Variants in TOP1MT observed in about 807,000 individuals in gnomAD.
TOP1MT encodes the protein DNA topoisomerase I, mitochondrial.
A neutral mutation model predicts 73.9 loss-of-function variants in TOP1MT; 80 were observed. The observed-to-expected ratio is 1.08, with a 90% CI of 0.90 to 1.30. The LOEUF is 1.30. TOP1MT is among the 50% of genes most tolerant of loss of function. The probability of loss-of-function intolerance (pLI) is 0.00; values close to 1 mark genes in which losing one functional copy is unlikely to be tolerated. For synonymous variants in TOP1MT, 338 were observed against 326.4 expected (o/e 1.04, Z -0.38); for missense variants, 815 against 808.0 (o/e 1.01, Z -0.10).
upstream of TOP1MT, chr8:143,335,006 G>T: frequency 1.2e-6 from 1 of 858,352 alleles, no homozygotes; most frequent in Non-Finnish European, 1.4e-6. Flanking sequence ...AAGCCTGCAC[G>T]GGGCTGCGGC....
At chr8:143,321,432 C>CGCCACACACACGCAT in intron 7 of TOP1MT, 46 bp from the exon 8 acceptor site, 2 of 1,505,496 alleles carry the variant, frequency 1.3e-6, no homozygotes, top group Non-Finnish European at 9.0e-7. Flanking sequence ...TGCACACGCA[C>CGCCACACACACGCAT]GCCACACACA....
At chr8:143,313,953 G>A (rs191632270) in intron 12 of TOP1MT, among the ~76,000 whole-genome samples, 77 of 152,224 alleles carry the variant, frequency 5.1e-4, no homozygotes, top group African/African-American at 1.8e-3. Flanking sequence ...CAACCCGACT[G>A]GAAAATGGAC....
Position 143,325,414 on chromosome 8 carries a change from GC to G in TOP1MT, c.602del (p.Gly201AlafsTer9), listed in dbSNP as rs1816678772. On this transcript the variant is annotated frameshift_variant, in exon 5 of 14. Coordinates refer to ENST00000329245, the MANE Select transcript of TOP1MT (RefSeq NM_052963.3). LOFTEE classifies it high-confidence loss of function. Reference protein sequence around the residue: ...IEPPGLFRGRGDHPKMGMLKR... With the variant: ...IEPPGLFRGRXDHPKMGMLKR... ...TCAGCATCCCCATCTTGGGATGGTC[GC>G]CACGGCCACGGAACAAGCCAGGCGG... 2.8e-5 allele frequency: 45 copies of G among 1,612,530 alleles called. No homozygotes were observed. Among genetic ancestry groups the G allele is most frequent in the Non-Finnish European group, 3.8e-5 (45 of 1,178,774 alleles).
chr8:143,314,646 A>G (rs13275666), intron 12 of TOP1MT, among the ~76,000 whole-genome samples: 75,630 of 150,814 alleles, frequency 0.5, 20,451 homozygotes, highest in East Asian at 0.76. Flanking sequence ...AAAACTGGCC[A>G]TGGGAAGGCG....
chr8:143,346,550 C>A (rs2450745), upstream of TOP1MT, among the ~76,000 whole-genome samples: 27,804 of 152,100 alleles, frequency 0.18, 4,243 homozygotes, highest in African/African-American at 0.42. Context: ...GGGAGGCTGA[C>A]ATGGGAGGAT....
Position 143,310,066 on chromosome 8 carries a change from A to G in TOP1MT, c.1703+2T>C. 3.1e-6 allele frequency: 5 copies of G among 1,612,030 alleles called. No individual in the cohort carries two copies. The highest frequency in any genetic ancestry group is 4.2e-6 in the Non-Finnish European group (5 of 1,179,912). ...GGGAACTGAGACCCCAGGCACACGC[A>G]CCAGGCAATGCTGATCCTGGGGTCC... On this transcript the variant is annotated splice_donor_variant, in intron 13 of 13. Transcript: ENST00000329245. LOFTEE classifies it high-confidence loss of function.
chr8:143,321,184 G>A lies in TOP1MT; in HGVS notation c.1146+17C>T. The A allele has an allele frequency of 6.4e-7, 1 of 1,566,940 alleles. No homozygotes were observed. The highest frequency in any genetic ancestry group is 8.7e-7 in the Non-Finnish European group (1 of 1,151,678). On this transcript the variant is annotated intron_variant, in intron 8 of 13. Coordinates refer to ENST00000329245, the MANE Select transcript of TOP1MT (RefSeq NM_052963.3). ...TACGTGTCACATAGCGGGGGCAGCT[G>A]GCGCGAGGGCACTCACCGGCTTCTC...
chr8:143,336,030 G>A (rs1047024438), upstream of TOP1MT, among the ~76,000 whole-genome samples: 22 of 152,356 alleles, frequency 1.4e-4, no homozygotes, highest in South Asian at 2.1e-4. Flanking sequence ...CAGGGGCTGC[G>A]GAACAGTGAT....
chr8:143,325,454 T>A lies in TOP1MT; in HGVS notation c.563A>T (p.Asn188Ile), dbSNP rs1267880645. The A allele has an allele frequency of 6.2e-7, 1 of 1,613,576 alleles. No homozygotes were observed. Among genetic ancestry groups the A allele is most frequent in the Non-Finnish European group, 8.5e-7 (1 of 1,179,544 alleles). The change falls in exon 5 of 14, where the codon AAC becomes ATC. Residue 188 changes from asparagine (N) to isoleucine (I), a missense_variant. By Grantham distance (149) the Asn-to-Ile change is moderately radical (BLOSUM62 -3). Transcript: ENST00000329245. ...CAAGCCAGGCGGCTCAATCTTGAAG[T>A]TGCCTATTTTTTCTTGGTGACCATC... ...ILDGHQEKIGNFKIEPPGLFR... is the reference protein window; with the variant it reads ...ILDGHQEKIGIFKIEPPGLFR...
intron 3 of TOP1MT, chr8:143,328,434 C>A: frequency 5.3e-6 from 2 of 374,068 alleles, no homozygotes; most frequent in Admixed American, 3.6e-5. Flanking sequence ...CGTCAGTACA[C>A]CAAAAGATGC....
intron 7 of TOP1MT, among the ~76,000 whole-genome samples, chr8:143,322,221 G>T (rs368241615): frequency 7.8e-4 from 11 of 14,092 alleles, no homozygotes; most frequent in African/African-American, 1.0e-3. Context: ...GCCACACACA[G>T]GCACGCCACA....
At chr8:143,343,508 CCG>C in intron 1 of TOP1MT, 1 of 328,306 alleles carries the variant, frequency 3.0e-6, no homozygotes, top group Non-Finnish European at 6.0e-6. Context: ...GTGGGAAGTC[CCG>C]CCCGAGGCCA....
chr8:143,334,581 C>T (rs987861596), intron 1 of TOP1MT, among the ~76,000 whole-genome samples, 159 bp downstream of exon 1: 3 of 152,186 alleles, frequency 2.0e-5, no homozygotes, highest in African/African-American at 7.2e-5. Context: ...GGGCAGGAGG[C>T]GGGCCGGTCA....
Position 143,316,090 on chromosome 8 carries a change from T to C in TOP1MT, c.1367A>G (p.Asn456Ser). 2.5e-6 allele frequency: 4 copies of C among 1,614,092 alleles called. No individual in the cohort carries two copies. Residue 456 changes from asparagine to serine, a missense_variant, in exon 11 of 14, where the codon AAC (asparagine) becomes AGC (serine). Physicochemically the swap from Asn to Ser is conservative, Grantham distance 46. Around this residue, in one of 3 missense-constraint regions of TOP1MT, gnomAD observed 751 missense variants for 725.4 expected, o/e 1.04. Coordinates refer to ENST00000329245, the MANE Select transcript of TOP1MT (RefSeq NM_052963.3). ...DSIAAKILSY[N>S]RANRVVAILC... ...AATGGCCACGACTCGGTTGGCTCGG[T>C]TGTAGGATAAGATCTTAGCTGCTAT...
At chr8:143,327,182 C>G (rs1233975728) in intron 3 of TOP1MT, 1 of 152,208 alleles carries the variant, frequency 6.6e-6, no homozygotes, top group Non-Finnish European at 1.5e-5. Flanking sequence ...GATGATCTAC[C>G]CGTGTGGAGA....
chr8:143,330,632 T>C (rs1357921151), intron 2 of TOP1MT, among the ~76,000 whole-genome samples: 1 of 152,146 alleles, frequency 6.6e-6, no homozygotes, highest in East Asian at 1.9e-4. Context: ...CTTAGAAGGA[T>C]GCCTTCTAGC....
chr8:143,343,422 C>T (rs983582498), intron 1 of TOP1MT: 1 of 361,560 alleles, frequency 2.8e-6, no homozygotes, highest in African/African-American at 2.1e-5. Context: ...TTCAAAAGTA[C>T]ACCTGGCAAA....
upstream of TOP1MT, among the ~76,000 whole-genome samples, chr8:143,347,447 A>G (rs2450747): frequency 8.2e-3 from 1,253 of 152,114 alleles, 13 homozygotes; most frequent in African/African-American, 0.027. Context: ...GAGCCACCGC[A>G]CCCAGCTAAT....
intron 12 of TOP1MT, 32 bp downstream of exon 12, chr8:143,315,695 G>A (rs376628781): frequency 2.6e-4 from 407 of 1,588,156 alleles, no homozygotes; most frequent in Non-Finnish European, 3.0e-4. Context: ...ACAGGGCCCC[G>A]GGAGAAGGCG....
Sources: gnomAD v4.1 joint callset for allele counts (sites outside exome capture counted in the v4.1 genomes callset) on GRCh38, gnomAD v4.1.1 for gene constraint, gnomAD v4.1.1 regional missense constraint, MANE v1.5 for transcripts, NCBI Gene and HGNC (gene_info 2026-07-23, HGNC 2026-07-21) for gene names.